The following RBFOX1 variants were observed in gnomAD, a reference collection of about 807,000 sequenced individuals.
The protein encoded by RBFOX1 is RNA binding protein fox-1 homolog 1.
A neutral mutation model predicts 57.7 loss-of-function variants in RBFOX1; 8 were observed. That is an observed-to-expected ratio of 0.14 (90% CI 0.08 to 0.25). The LOEUF (loss-of-function observed/expected upper bound fraction) is 0.25. Ranked by LOEUF, RBFOX1 falls within the 10% of genes least tolerant of loss-of-function variation. The pLI is 1.00. For missense variants in RBFOX1, 611 were observed against 548.5 expected (o/e 1.11, Z -1.14); for synonymous variants, 326 against 222.4 (o/e 1.47, Z -4.15).
intron 4 of RBFOX1, among the ~76,000 whole-genome samples, chr16:7,145,340 G>C (rs2074729515): frequency 6.6e-6 from 1 of 152,124 alleles, no homozygotes; most frequent in Non-Finnish European, 1.5e-5. Flanking sequence ...GATTAGCTGG[G>C]ATTGCAGGCA....
intron 1 of RBFOX1, among the ~76,000 whole-genome samples, chr16:6,147,908 G>T (rs1057429585): frequency 4.6e-5 from 7 of 152,178 alleles, no homozygotes; most frequent in Admixed American, 2.0e-4. Flanking sequence ...CATCTCCATT[G>T]CTATGACCTT....
chr16:6,736,960 G>A (rs888469513), intron 3 of RBFOX1, among the ~76,000 whole-genome samples: 9 of 152,282 alleles, frequency 5.9e-5, no homozygotes, highest in Non-Finnish European at 1.3e-4. Context: ...ATCGGGAAGC[G>A]ACAGCCTGTG....
In RBFOX1 at chr16:5,821,301, T is replaced by A. The variant is rs567799856; in HGVS notation, c.319-46002T>A. 3.3e-3 allele frequency among the ~76,000 whole-genome samples: 490 copies of A among 147,852 alleles called. 6 individuals carry two copies. Among genetic ancestry groups the A allele is most frequent in the Middle Eastern group, 0.024 (7 of 292 alleles). The stretch of plus-strand genomic sequence containing the variant: ...CTGTCATTCTCTCTTTTTTTATTTT[T>A]TTTTTTTTTTTTGAGACGGAGTCTT... On this transcript the variant is annotated intron_variant, in intron 3 of 19. Coordinates refer to the RBFOX1 transcript ENST00000641259.
chr16:7,324,921 A>C (rs2096592013), intron 4 of RBFOX1, among the ~76,000 whole-genome samples: 1 of 152,226 alleles, frequency 6.6e-6, no homozygotes. Context: ...TTTTGGTTTC[A>C]AAAATTGCAT....
chr16:5,327,912 G>A (rs1467574664), intron 1 of RBFOX1, among the ~76,000 whole-genome samples: 5 of 152,174 alleles, frequency 3.3e-5, no homozygotes, highest in Non-Finnish European at 5.9e-5. Context: ...AAAAATGGTT[G>A]TATCCCTTTC....
At chr16:5,283,819 G>C (rs1279861904) in intron 1 of RBFOX1, among the ~76,000 whole-genome samples, 3 of 152,260 alleles carry the variant, frequency 2.0e-5, no homozygotes, top group South Asian at 2.1e-4. Context: ...TGAGACTTTG[G>C]ACTGTGGACC....
chr16:7,300,550 C>T (rs1409265101), intron 4 of RBFOX1, among the ~76,000 whole-genome samples: 2 of 152,136 alleles, frequency 1.3e-5, no homozygotes, highest in African/African-American at 2.4e-5. Context: ...CATTGAAGTT[C>T]AAGTCCTTCT....
At chr16:7,135,372 C>T (rs908452327) in intron 4 of RBFOX1, among the ~76,000 whole-genome samples, 5 of 152,186 alleles carry the variant, frequency 3.3e-5, no homozygotes, top group African/African-American at 7.2e-5. Context: ...CTAGGCACAG[C>T]AGAACAATTT....
chr16:6,730,255 C>A (rs534149158), intron 3 of RBFOX1, among the ~76,000 whole-genome samples: 1 of 152,036 alleles, frequency 6.6e-6, no homozygotes, highest in Non-Finnish European at 1.5e-5. Flanking sequence ...ATGGTAGAAC[C>A]GTACACCAGT....
intron 3 of RBFOX1, among the ~76,000 whole-genome samples, chr16:6,841,239 C>T (rs1446512336): frequency 2.0e-5 from 3 of 152,090 alleles, no homozygotes; most frequent in Admixed American, 1.3e-4. Flanking sequence ...GTCAGTTATC[C>T]TGCCCATTAT....
chr16:6,795,852 A>C (rs759419849), intron 3 of RBFOX1, among the ~76,000 whole-genome samples: 11 of 151,330 alleles, frequency 7.3e-5, no homozygotes, highest in Non-Finnish European at 1.3e-4. Context: ...CATGTATGTC[A>C]GCTTTCCACA....
At chr16:5,808,257 T>G (rs1238029746) in intron 3 of RBFOX1, among the ~76,000 whole-genome samples, 12 of 152,218 alleles carry the variant, frequency 7.9e-5, no homozygotes, top group Admixed American at 7.9e-4. Flanking sequence ...CTGAGGGCTG[T>G]GTTCTGTTCC....
intron 5 of RBFOX1, among the ~76,000 whole-genome samples, chr16:7,530,759 A>C (rs549359861): frequency 6.6e-6 from 1 of 152,338 alleles, no homozygotes; most frequent in East Asian, 1.9e-4. Context: ...CAATCTCTGC[A>C]GGAGTTCAGA....
chr16:5,487,340 T>C (rs1597263814), intron 2 of RBFOX1, among the ~76,000 whole-genome samples: 2 of 152,188 alleles, frequency 1.3e-5, no homozygotes, highest in Non-Finnish European at 2.9e-5. Flanking sequence ...CTTCTTCTTT[T>C]TCAATGAATG....
rs75993661 is a variant in RBFOX1, at chr16:6,059,918, G to A, written c.-127+39926G>A. ...TAAAGGATCATTTGTTATGCAGCAA[G>A]TATAAAATTATAACAACATCCCCCT... On this transcript the variant is annotated intron_variant, in intron 1 of 15. Transcript: ENST00000550418. Among the ~76,000 whole-genome samples the A allele has an allele frequency of 8.7e-3, 1,326 of 152,196 alleles. 11 individuals are homozygous for A. Among genetic ancestry groups the A allele is most frequent in the Middle Eastern group, 0.02 (6 of 294 alleles).
intron 4 of RBFOX1, among the ~76,000 whole-genome samples, chr16:5,970,179 G>A (rs2059934726): frequency 6.6e-6 from 1 of 152,082 alleles, no homozygotes; most frequent in Admixed American, 6.6e-5. Flanking sequence ...CTTGGGATAT[G>A]GATGGTTGGT....
intron 4 of RBFOX1, among the ~76,000 whole-genome samples, chr16:7,169,593 C>T (rs1197190415): frequency 2.0e-5 from 3 of 152,158 alleles, no homozygotes; most frequent in South Asian, 4.1e-4. Context: ...ACATTCCTAC[C>T]AGGTAGGTGC....
chr16:6,248,313 C>T (rs74005043), intron 1 of RBFOX1, among the ~76,000 whole-genome samples: 79 of 152,194 alleles, frequency 5.2e-4, no homozygotes, highest in African/African-American at 1.9e-3. Flanking sequence ...ATTTTCTTTG[C>T]TTTTGGATAA....
intron 2 of RBFOX1, among the ~76,000 whole-genome samples, chr16:6,478,224 CTTT>C (rs540210936): frequency 1.5e-5 from 2 of 132,360 alleles, no homozygotes; most frequent in Non-Finnish European, 3.2e-5. Context: ...CCTGTCCCAG[CTTT>C]TTTTTTTTTT....
Sources: gnomAD v4.1 joint callset for allele counts (sites outside exome capture counted in the v4.1 genomes callset) on GRCh38, gnomAD v4.1.1 for gene constraint, MANE v1.5 for transcripts, NCBI Gene and HGNC (gene_info 2026-07-23, HGNC 2026-07-21) for gene names.